The following LGALS8 variants were observed in gnomAD, a reference collection of about 807,000 sequenced individuals.
LGALS8 encodes galectin-8.
A neutral mutation model predicts 35.9 loss-of-function variants in LGALS8; 30 were observed. The observed-to-expected ratio is 0.83, with a 90% confidence interval of 0.62 to 1.13. The LOEUF (loss-of-function observed/expected upper bound fraction) is 1.13, where lower values mean the gene tolerates loss of function less well. LGALS8 is among the 50% of genes most tolerant of loss of function. LGALS8 has a pLI of 0.00. For synonymous variants in LGALS8, 138 were observed against 136.1 expected (o/e 1.01, Z -0.10); for missense variants, 366 against 388.7 (o/e 0.94, Z 0.49).
At chr1:236,529,140 T>G (rs1005245786) in intron 2 of LGALS8, among the ~76,000 whole-genome samples, 1 of 151,852 alleles carries the variant, frequency 6.6e-6, no homozygotes, top group South Asian at 2.1e-4. Flanking sequence ...AACTGGGGAT[T>G]GTGGCGCATG....
At chr1:236,524,176 T>C in intron 1 of LGALS8, 115 bp downstream of exon 1, 1 of 456,580 alleles carries the variant, frequency 2.2e-6, no homozygotes, top group South Asian at 1.5e-5. Flanking sequence ...TAAATCACCA[T>C]TTGATGGGTG....
At chr1:236,542,678 A>G (rs1021964019) in intron 6 of LGALS8, 83 bp from the exon 7 acceptor site, 2 of 1,461,246 alleles carry the variant, frequency 1.4e-6, no homozygotes, top group South Asian at 2.3e-5. Flanking sequence ...GGCCAGGCTC[A>G]GCTCAGCACA....
At chr1:236,542,449 C>T (rs932450402) in intron 6 of LGALS8, 1 of 381,758 alleles carries the variant, frequency 2.6e-6, no homozygotes, top group Admixed American at 4.2e-5. Context: ...CACTGCATCC[C>T]AGTGTGGATG....
At chr1:236,534,884 A>G (rs1204974883) in intron 2 of LGALS8, among the ~76,000 whole-genome samples, 2 of 151,986 alleles carry the variant, frequency 1.3e-5, no homozygotes, top group Non-Finnish European at 2.9e-5. Context: ...AACATGGCAA[A>G]ACCCCATCTC....
At chr1:236,527,040 T>C (rs1462692456) in intron 2 of LGALS8, among the ~76,000 whole-genome samples, 2 of 152,212 alleles carry the variant, frequency 1.3e-5, no homozygotes, top group East Asian at 3.8e-4. Context: ...AGCGGAAGCT[T>C]GTGAGACATT....
chr1:236,529,462 A>G (rs1661017590), intron 2 of LGALS8, among the ~76,000 whole-genome samples: 1 of 151,500 alleles, frequency 6.6e-6, no homozygotes, highest in Non-Finnish European at 1.5e-5. Context: ...GTGGCCTGTA[A>G]TCCCAGCTAC....
rs1052609865 is a variant in LGALS8 at position 236,531,405 on chromosome 1, G to C, written c.45+5290G>C. On this transcript the variant is annotated intron_variant, in intron 2 of 9. Transcript: ENST00000366584. ...GTGGCATGATCTTGGCTTACTGCAA[G>C]CTCCGCCTCCCGGGTTCACACCATT... Among the ~76,000 whole-genome samples the C allele has an allele frequency of 3.3e-5, 5 of 152,186 alleles. No homozygotes were observed. In the South Asian group the frequency reaches 1.0e-3, roughly 32 times the overall value.
Position 236,537,532 on chromosome 1 carries a change from G to A in LGALS8, c.81G>A (p.Leu27=). 2 of 1,605,980 alleles carry A rather than the reference G, an allele frequency of 1.2e-6. No individual in the cohort carries two copies. The highest frequency in any genetic ancestry group is 2.2e-5 in the East Asian group (1 of 44,848). ...TTGTTGGCACCATTCCTGATCAGCT[G>A]GATCCTGGAACTTTGATTGTGATAC... The part of the protein sequence containing the change: ...IPFVGTIPDQ[L]DPGTLIVIRG... Residue 27 remains leucine (L), a synonymous_variant, in exon 3 of 10, where the codon CTG becomes CTA. Transcript: ENST00000366584.
Position 236,544,743 on chromosome 1 carries a change from T to A in LGALS8, c.639-7T>A, listed in dbSNP as rs371867304. The stretch of plus-strand genomic sequence containing the variant: ...TAAGGTTTTTTTTTTTCTTTCTTTC[T>A]CAAAAGCTTTAATGTTGACCTACTA... On this transcript the variant is annotated splice_polypyrimidine_tract_variant and splice_region_variant and intron_variant, in intron 8 of 9. Transcript: ENST00000366584. 2 of 1,572,648 alleles carry A rather than the reference T, an allele frequency of 1.3e-6. No homozygotes were observed. Among genetic ancestry groups the A allele is most frequent in the Non-Finnish European group, 1.7e-6 (2 of 1,163,874 alleles).
intron 2 of LGALS8, chr1:236,536,234 G>GT (rs1282634701): frequency 6.6e-6 from 1 of 152,176 alleles, no homozygotes; most frequent in Admixed American, 6.6e-5. Context: ...CCTTGGGTAG[G>GT]TTTTACCATG....
At position 236,550,878 on chromosome 1, in the gene LGALS8, G is replaced by A; in HGVS notation, c.*2717G>A. 1.3e-6 allele frequency: 2 copies of A among 1,533,838 alleles called. No homozygotes were observed. Among genetic ancestry groups the A allele is most frequent in the Non-Finnish European group, 1.8e-6 (2 of 1,132,074 alleles). On this transcript the variant is annotated 3_prime_UTR_variant, in exon 10 of 10. Coordinates refer to ENST00000366584, the MANE Select transcript of LGALS8 (RefSeq NM_201544.4). ...GAAATATGAGTGTGAACTCTGAGTA[G>A]AGTATGAAACACCACAGAAAGTCTT...
At chr1:236,527,779 A>G (rs12080766) in intron 2 of LGALS8, among the ~76,000 whole-genome samples, 8,044 of 151,894 alleles carry the variant, frequency 0.053, 734 homozygotes, top group African/African-American at 0.18. Context: ...CTGGTCACCC[A>G]GGCTGGAGTG....
At chr1:236,525,146 GTA>G (rs1475338762) in intron 1 of LGALS8, among the ~76,000 whole-genome samples, 1 of 152,072 alleles carries the variant, frequency 6.6e-6, no homozygotes, top group Non-Finnish European at 1.5e-5. Flanking sequence ...AGAGAAAACC[GTA>G]TCTTAATAGT....
At chr1:236,537,328 C>A (rs1810661) in intron 2 of LGALS8, among the ~76,000 whole-genome samples, 169 bp from the exon 3 acceptor site, 92,872 of 151,936 alleles carry the variant, frequency 0.61, 29,297 homozygotes, top group Non-Finnish European at 0.69. Context: ...GTTCCTTTTT[C>A]TAGCTGTTTG....
intron 7 of LGALS8, 187 bp downstream of exon 7, chr1:236,542,974 C>CAA (rs1410831107): frequency 1.9e-6 from 3 of 1,614,070 alleles, no homozygotes; most frequent in Non-Finnish European, 2.5e-6. Flanking sequence ...ACACCAAGAG[C>CAA]AAAGATTCGA....
Position 236,544,869 on chromosome 1 carries a change from A to AG in LGALS8, c.759dup (p.Arg254GlufsTer9). ...CTTCAGGAGTCCTGGGGAGAAGAAGAGAGAAATATTACCTCTTTCCCATTT... is the reference window on the plus strand; with the variant it reads ...CTTCAGGAGTCCTGGGGAGAAGAAGAGGAGAAATATTACCTCTTTCCCATTT... On this transcript the variant is annotated frameshift_variant, in exon 9 of 10. Coordinates refer to ENST00000366584, the MANE Select transcript of LGALS8 (RefSeq NM_201544.4). LOFTEE classifies it high-confidence loss of function. 1 of 1,613,748 alleles carries AG rather than the reference A, an allele frequency of 6.2e-7. No individual in the cohort carries two copies. The highest frequency in any genetic ancestry group is 8.5e-7 in the Non-Finnish European group (1 of 1,179,804).
Position 236,540,644 on chromosome 1 carries a change from C to T in LGALS8, c.426C>T (p.Gly142=). The change falls in exon 5 of 10, where the codon GGC becomes GGT. Residue 142 remains glycine (G), a synonymous_variant. Coordinates refer to ENST00000366584, the MANE Select transcript of LGALS8 (RefSeq NM_201544.4). ...AAATAGACACTCTGGGCATTTATGG[C>T]AAAGTGAATATTCACTCAATTGGTT... is the stretch of plus-strand genomic sequence containing the variant. The part of the protein sequence containing the change: ...PEKIDTLGIY[G]KVNIHSIGFS... 6.2e-7 allele frequency: 1 copy of T among 1,611,116 alleles called. No homozygotes were observed. The highest frequency in any genetic ancestry group is 8.5e-7 in the Non-Finnish European group (1 of 1,178,788).
At chr1:236,531,095 A>G (rs1661115714) in intron 2 of LGALS8, among the ~76,000 whole-genome samples, 1 of 152,182 alleles carries the variant, frequency 6.6e-6, no homozygotes, top group South Asian at 2.1e-4. Context: ...CATTTTATTT[A>G]GAACTTCCTC....
chr1:236,547,805 T>C (rs1186575577), intron 9 of LGALS8, among the ~76,000 whole-genome samples: 1 of 152,250 alleles, frequency 6.6e-6, no homozygotes, highest in East Asian at 1.9e-4. Flanking sequence ...TCCGAGTCAC[T>C]TCCCTGGGTG....
Sources: allele counts gnomAD v4.1 joint callset (sites outside exome capture counted in the v4.1 genomes callset), GRCh38; gene constraint gnomAD v4.1.1; transcripts MANE v1.5; gene names NCBI Gene and HGNC (gene_info 2026-07-23, HGNC 2026-07-21).